HDAC9: variants seen among roughly 807,000 people sequenced by gnomAD.
The protein encoded by HDAC9 is MEF-2 interacting transcription repressor (MITR) protein.
HDAC9 carries 41 observed loss-of-function variants against 139.4 expected under a neutral mutation model. The ratio of observed to expected loss-of-function variants is 0.29; its 90% confidence interval spans 0.23 to 0.38. The LOEUF (loss-of-function observed/expected upper bound fraction) is 0.38. HDAC9 is among the 10% of genes least tolerant of loss of function. The probability of loss-of-function intolerance (pLI) is 1.00; values close to 1 mark genes in which losing one functional copy is unlikely to be tolerated. For missense variants in HDAC9, 1,147 were observed against 1,297.0 expected (o/e 0.88, Z 1.78); for synonymous variants, 517 against 476.2 (o/e 1.09, Z -1.12).
At chr7:18,510,194 A>G (rs1347659359) in intron 2 of HDAC9, among the ~76,000 whole-genome samples, 3 of 152,168 alleles carry the variant, frequency 2.0e-5, no homozygotes, top group Non-Finnish European at 2.9e-5. Context: ...CAATGTGTGT[A>G]TGACCCTTTA....
intron 2 of HDAC9, among the ~76,000 whole-genome samples, chr7:18,560,289 T>C (rs1583394498): frequency 6.6e-6 from 1 of 152,182 alleles, no homozygotes; most frequent in Non-Finnish European, 1.5e-5. Context: ...ACTAAAGACC[T>C]CTAGGAGTTG....
chr7:18,384,051 C>T (rs1562938571), intron 1 of HDAC9, among the ~76,000 whole-genome samples: 1 of 152,092 alleles, frequency 6.6e-6, no homozygotes, highest in East Asian at 1.9e-4. Flanking sequence ...TGGCTCATGC[C>T]TGTAATCCCA....
At chr7:18,692,720 C>G (rs1253335343) in intron 12 of HDAC9, among the ~76,000 whole-genome samples, 1 of 152,040 alleles carries the variant, frequency 6.6e-6, no homozygotes, top group African/African-American at 2.4e-5. Context: ...GTTTGCTAGT[C>G]TTGTATATAA....
At chr7:18,932,782 TAAGAGAGA>T (rs930587435) in intron 22 of HDAC9, among the ~76,000 whole-genome samples, 23 of 133,344 alleles carry the variant, frequency 1.7e-4, no homozygotes, top group Admixed American at 3.1e-4. Context: ...AGAAAGAACG[TAAGAGAGA>T]AAGAGAAAAA....
At chr7:18,558,080 A>T (rs902932890) in intron 2 of HDAC9, among the ~76,000 whole-genome samples, 1 of 152,122 alleles carries the variant, frequency 6.6e-6, no homozygotes, top group Admixed American at 6.6e-5. Flanking sequence ...AGGGCCCCCA[A>T]ACAAGACAGG....
intron 2 of HDAC9, among the ~76,000 whole-genome samples, chr7:18,574,345 G>A (rs1370436178): frequency 6.6e-6 from 1 of 152,240 alleles, no homozygotes; most frequent in Non-Finnish European, 1.5e-5. Flanking sequence ...CAAGCAGGTC[G>A]TCCCATCCTC....
At chr7:18,691,945 G>A (rs1202704351) in intron 12 of HDAC9, among the ~76,000 whole-genome samples, 3 of 151,956 alleles carry the variant, frequency 2.0e-5, no homozygotes, top group East Asian at 3.9e-4. Context: ...AGAAAAGAGG[G>A]CAGACCCTGC....
At chr7:18,353,489 C>T (rs1256856639) in intron 1 of HDAC9, among the ~76,000 whole-genome samples, 1 of 152,160 alleles carries the variant, frequency 6.6e-6, no homozygotes, top group Non-Finnish European at 1.5e-5. Context: ...ACTTTCTTCC[C>T]TCCCTCTGTG....
chr7:18,713,201 T>G (rs930433718), intron 12 of HDAC9, among the ~76,000 whole-genome samples: 1 of 152,144 alleles, frequency 6.6e-6, no homozygotes, highest in Non-Finnish European at 1.5e-5. Flanking sequence ...TGACTGTTGA[T>G]AGATGTGACA....
intron 2 of HDAC9, among the ~76,000 whole-genome samples, chr7:18,551,776 T>C (rs1817218366): frequency 6.6e-6 from 1 of 152,236 alleles, no homozygotes; most frequent in Admixed American, 6.5e-5. Context: ...ATCAACATTG[T>C]TTAAAATTGT....
intron 17 of HDAC9, among the ~76,000 whole-genome samples, chr7:18,817,179 C>T (rs1003107125): frequency 2.0e-5 from 3 of 151,922 alleles, no homozygotes; most frequent in Admixed American, 1.3e-4. Context: ...AGACTACAGG[C>T]GCCCGCCACC....
intron 17 of HDAC9, among the ~76,000 whole-genome samples, chr7:18,802,473 G>A (rs983675579): frequency 2.0e-5 from 3 of 151,768 alleles, no homozygotes; most frequent in Non-Finnish European, 4.4e-5. Context: ...AATAGAATCG[G>A]CATCCACATA....
intron 16 of HDAC9, among the ~76,000 whole-genome samples, chr7:18,792,257 C>CTT (rs370313883): frequency 7.2e-6 from 1 of 138,022 alleles, no homozygotes; most frequent in African/African-American, 2.8e-5. Context: ...ATTTAATTCT[C>CTT]TTTTTTTTTT....
chr7:18,514,965 A>G (rs1291109370), intron 2 of HDAC9, among the ~76,000 whole-genome samples: 1 of 152,208 alleles, frequency 6.6e-6, no homozygotes, highest in African/African-American at 2.4e-5. Context: ...TAAGAAAATA[A>G]TAACAATAAA....
At chr7:18,522,565 C>G (rs1387877933) in intron 2 of HDAC9, among the ~76,000 whole-genome samples, 1 of 137,426 alleles carries the variant, frequency 7.3e-6, no homozygotes, top group Non-Finnish European at 1.6e-5. Context: ...ATTGTTAATA[C>G]TGAAAAAAAA....
chr7:18,143,898 G>T (rs1786096966), intron 1 of HDAC9, among the ~76,000 whole-genome samples: 1 of 151,904 alleles, frequency 6.6e-6, no homozygotes, highest in Non-Finnish European at 1.5e-5. Flanking sequence ...AAAATCCTGT[G>T]CCATGTGGCA....
chr7:18,667,600 T>G, intron 12 of HDAC9: 1 of 985,286 alleles, frequency 1.0e-6, no homozygotes, highest in Non-Finnish European at 1.2e-6. Flanking sequence ...TTTGTCAGGT[T>G]CCTGCTGTTC....
At chr7:18,578,885 G>A (rs1334591185) in intron 2 of HDAC9, among the ~76,000 whole-genome samples, 1 of 152,192 alleles carries the variant, frequency 6.6e-6, no homozygotes, top group Non-Finnish European at 1.5e-5. Flanking sequence ...TGGTAGAATT[G>A]CATATGTGCA....
chr7:18,911,984 A>G (rs1249644983), intron 22 of HDAC9, among the ~76,000 whole-genome samples: 1 of 152,010 alleles, frequency 6.6e-6, no homozygotes, highest in African/African-American at 2.4e-5. Context: ...TTGTCAGATA[A>G]AATATTCTTT....
Sources: allele counts gnomAD v4.1 joint callset (sites outside exome capture counted in the v4.1 genomes callset), GRCh38; gene constraint gnomAD v4.1.1; transcripts MANE v1.5; gene names NCBI Gene and HGNC (gene_info 2026-07-23, HGNC 2026-07-21).